MYO1D: variants seen among roughly 807,000 people sequenced by gnomAD.
The protein encoded by MYO1D is myosin ID, also known as unconventional myosin-Id.
Under a neutral mutation model 122.0 loss-of-function variants are expected in MYO1D, and 83 were observed. The ratio of observed to expected loss-of-function variants is 0.68; its 90% confidence interval spans 0.57 to 0.82. The LOEUF (loss-of-function observed/expected upper bound fraction) is 0.82, where lower values mean the gene tolerates loss of function less well. MYO1D is among the 40% of genes least tolerant of loss of function. The pLI is 0.00. For missense variants in MYO1D, 1,157 were observed against 1,269.5 expected, an observed-to-expected ratio of 0.91 and a Z score of 1.35; for synonymous variants, 464 against 446.9, an observed-to-expected ratio of 1.04 and a Z score of -0.48.
chr17:32,518,221 C>A (rs1056273187), intron 21 of MYO1D: 1 of 193,244 alleles, frequency 5.2e-6, no homozygotes, highest in African/African-American at 2.4e-5. Context: ...TTGGCTAAAG[C>A]CTGTGTGTCA....
At chr17:32,802,960 AGT>A (rs1287365319) in intron 1 of MYO1D, among the ~76,000 whole-genome samples, 1 of 152,146 alleles carries the variant, frequency 6.6e-6, no homozygotes. Flanking sequence ...ATTACACACT[AGT>A]CCAGTAGCCA....
At chr17:32,694,724 A>AAC (rs1416631273) in intron 16 of MYO1D, among the ~76,000 whole-genome samples, 5 of 151,488 alleles carry the variant, frequency 3.3e-5, no homozygotes, top group Non-Finnish European at 5.9e-5. Context: ...AAAAAAAAAA[A>AAC]AAAAAAAAAA....
At chr17:32,636,320 T>C (rs921165355) in intron 20 of MYO1D, among the ~76,000 whole-genome samples, 2 of 152,220 alleles carry the variant, frequency 1.3e-5, no homozygotes, top group African/African-American at 4.8e-5. Context: ...AACACTATTA[T>C]TAGCATCATC....
intron 21 of MYO1D, among the ~76,000 whole-genome samples, chr17:32,601,783 T>C (rs1465929821): frequency 6.6e-6 from 1 of 152,184 alleles, no homozygotes; most frequent in African/African-American, 2.4e-5. Context: ...AAAACCACAA[T>C]ATCTGTGAAG....
intron 15 of MYO1D, among the ~76,000 whole-genome samples, chr17:32,713,213 G>GT (rs1037995446): frequency 1.3e-5 from 2 of 152,008 alleles, no homozygotes; most frequent in East Asian, 1.9e-4. Context: ...CATTTAGAGG[G>GT]TTTTTTTGGT....
intron 1 of MYO1D, among the ~76,000 whole-genome samples, chr17:32,789,420 T>C (rs1444260469): frequency 1.3e-5 from 2 of 152,192 alleles, no homozygotes; most frequent in African/African-American, 4.8e-5. Context: ...AGATGTGAGG[T>C]ATCTGATAAT....
intron 16 of MYO1D, among the ~76,000 whole-genome samples, chr17:32,691,455 G>A (rs1029442731): frequency 2.8e-5 from 4 of 141,526 alleles, no homozygotes; most frequent in African/African-American, 1.1e-4. Context: ...CGCCCAGGCT[G>A]GAGTGCAGTG....
chr17:32,555,461 T>C (rs1043733566), intron 21 of MYO1D, among the ~76,000 whole-genome samples: 1 of 152,180 alleles, frequency 6.6e-6, no homozygotes, highest in Non-Finnish European at 1.5e-5. Flanking sequence ...TTTTTTAATG[T>C]ACTTGTGTAT....
chr17:32,543,575 A>AAAAC (rs141567803), intron 21 of MYO1D, among the ~76,000 whole-genome samples: 49,555 of 148,944 alleles, frequency 0.33, 8,492 homozygotes, highest in African/African-American at 0.4. Context: ...CTCTGTCTCA[A>AAAAC]AAACAAACAA....
intron 20 of MYO1D, among the ~76,000 whole-genome samples, chr17:32,624,756 T>C (rs958487676): frequency 6.6e-6 from 1 of 151,756 alleles, no homozygotes; most frequent in Non-Finnish European, 1.5e-5. Context: ...AATGAAGATA[T>C]TTTCTTTTTC....
chr17:32,730,684 TTTTC>T lies in MYO1D; in HGVS notation c.1746+7565_1746+7568del, dbSNP rs376171946. On this transcript the variant is annotated intron_variant, in intron 14 of 21. Coordinates refer to ENST00000318217, the MANE Select transcript of MYO1D (RefSeq NM_015194.3). ...CTTTTCTCTGGCTGCTTTTAAGATA[TTTTC>T]TTTGTCTTTAATGTTCTAGGATTTT... Among the ~76,000 whole-genome samples, 571 of 152,282 alleles carry T rather than the reference TTTTC, an allele frequency of 3.7e-3. 2 individuals carry two copies. The highest frequency in any genetic ancestry group is 0.013 in the African/African-American group (549 of 41,570).
At chr17:32,829,231 A>C (rs1462896907) in intron 1 of MYO1D, among the ~76,000 whole-genome samples, 2 of 152,200 alleles carry the variant, frequency 1.3e-5, no homozygotes, top group Non-Finnish European at 2.9e-5. Flanking sequence ...TTTTTGAGTA[A>C]GGTCTTCTCA....
intron 16 of MYO1D, among the ~76,000 whole-genome samples, chr17:32,690,501 C>T (rs1254598593): frequency 2.6e-5 from 4 of 152,138 alleles, no homozygotes; most frequent in Non-Finnish European, 5.9e-5. Context: ...TATGTGTCGG[C>T]ATCTGACATG....
At chr17:32,672,267 T>A (rs1006300387) in intron 16 of MYO1D, among the ~76,000 whole-genome samples, 2 of 152,228 alleles carry the variant, frequency 1.3e-5, no homozygotes, top group Non-Finnish European at 2.9e-5. Flanking sequence ...TAGCTCTGTC[T>A]GGCTCCAAGA....
chr17:32,795,060 G>A (rs181155803), intron 1 of MYO1D, among the ~76,000 whole-genome samples: 4 of 152,200 alleles, frequency 2.6e-5, no homozygotes, highest in African/African-American at 9.6e-5. Flanking sequence ...GAAGTGTCAG[G>A]GTAAGTATCT....
chr17:32,498,463 G>C (rs369145135), intron 21 of MYO1D: 1 of 152,202 alleles, frequency 6.6e-6, no homozygotes, highest in East Asian at 1.9e-4. Flanking sequence ...ACCTCTGTCT[G>C]GCTTTTACAA....
At chr17:32,842,328 G>C (rs538807548) in intron 1 of MYO1D, among the ~76,000 whole-genome samples, 187 of 152,256 alleles carry the variant, frequency 1.2e-3, no homozygotes, top group African/African-American at 4.4e-3. Context: ...GATGTGAAGC[G>C]TAAGTTACTG....
intron 16 of MYO1D, among the ~76,000 whole-genome samples, chr17:32,705,108 G>A (rs185353955): frequency 6.6e-6 from 1 of 151,034 alleles, no homozygotes; most frequent in Non-Finnish European, 1.5e-5. Flanking sequence ...CCCTTAAACA[G>A]CACAGATTTG....
chr17:32,561,377 A>T (rs2087124244), intron 21 of MYO1D, among the ~76,000 whole-genome samples: 1 of 151,646 alleles, frequency 6.6e-6, no homozygotes, highest in African/African-American at 2.4e-5. Flanking sequence ...TCTAAAATTC[A>T]TACATGTTTA....
Sources: allele counts gnomAD v4.1 joint callset (sites outside exome capture counted in the v4.1 genomes callset), GRCh38; gene constraint gnomAD v4.1.1; transcripts MANE v1.5; gene names NCBI Gene and HGNC (gene_info 2026-07-23, HGNC 2026-07-21).